The following SIRT3 variants were observed in gnomAD, a reference collection of about 807,000 sequenced individuals.
The protein encoded by SIRT3 is sirtuin 3.
A neutral mutation model predicts 33.5 loss-of-function variants in SIRT3; 26 were observed. The observed-to-expected ratio is 0.78, with a 90% confidence interval of 0.57 to 1.08. The LOEUF (loss-of-function observed/expected upper bound fraction) is 1.08. Among genes scored for constraint, SIRT3 ranks in the 50% least tolerant of loss-of-function variants. SIRT3 has a pLI of 0.00. For synonymous variants in SIRT3, 237 were observed against 222.1 expected (o/e 1.07, Z -0.60); for missense variants, 585 against 530.1 (o/e 1.10, Z -1.02).
chr11:218,672 T>G (rs917609729), intron 6 of SIRT3, 160 bp downstream of exon 6: 1 of 1,325,732 alleles, frequency 7.5e-7, no homozygotes, highest in Non-Finnish European at 1.0e-6. Flanking sequence ...GTATTGAAAG[T>G]AACACCCAGT....
chr11:221,300 G>C (rs149173376), intron 5 of SIRT3, among the ~76,000 whole-genome samples: 1 of 152,150 alleles, frequency 6.6e-6, no homozygotes, highest in African/African-American at 2.4e-5. Flanking sequence ...TTGTAGAGAC[G>C]AGGTCTGACT....
Position 233,192 on chromosome 11 carries a change from CT to C in SIRT3, c.496del (p.Ser166AlafsTer107), listed in dbSNP as rs1441918214. Reference protein sequence around the residue: ...DFRSPGSGLYSNLQQYDLPYP... With the variant: ...DFRSPGSGLYXNLQQYDLPYP... The stretch of plus-strand genomic sequence containing the variant: ...CGGGAGATCGTACTGCTGGAGGTTG[CT>C]GTACAGGCCACTCCCCGGCGATCTG... On this transcript the variant is annotated frameshift_variant, in exon 3 of 7. Coordinates refer to ENST00000382743, the MANE Select transcript of SIRT3 (RefSeq NM_012239.6). LOFTEE classifies it high-confidence loss of function. The C allele has an allele frequency of 1.2e-6, 2 of 1,613,870 alleles. No homozygotes were observed. Among genetic ancestry groups the C allele is most frequent in the African/African-American group, 2.7e-5 (2 of 74,896 alleles).
chr11:228,803 C>T (rs926142184), intron 4 of SIRT3, among the ~76,000 whole-genome samples: 4 of 152,174 alleles, frequency 2.6e-5, no homozygotes, highest in Admixed American at 1.3e-4. Flanking sequence ...AGACAACCTA[C>T]AGAATGACAG....
chr11:235,811 A>G (rs1282915143), intron 1 of SIRT3, among the ~76,000 whole-genome samples: 2 of 152,212 alleles, frequency 1.3e-5, no homozygotes, highest in East Asian at 1.9e-4. Context: ...AAGGTTATTC[A>G]CCACAGCATG....
At chr11:229,284 T>TA (rs57351180) in intron 4 of SIRT3, among the ~76,000 whole-genome samples, 119,964 of 151,818 alleles carry the variant, frequency 0.79, 47,723 homozygotes, top group African/African-American at 0.88. Context: ...ACTACTCTAC[T>TA]AAATACAAAA....
rs1734493 is a variant in SIRT3, at chr11:233,303, G to C, written c.473+40C>G. On this transcript the variant is annotated intron_variant, in intron 2 of 6. Transcript: ENST00000382743. ...GGCAGTGGGGAGGGCAGGAGTCAGG[G>C]GAGGGGAGCGCAGAAGGCAGGTGGG... 11 of 1,603,610 alleles carry C rather than the reference G, an allele frequency of 6.9e-6. No individual in the cohort carries two copies. The African/African-American group carries it at 1.1e-4, about 16-fold the overall frequency.
rs200803094 is a variant in SIRT3, at chr11:233,307, G to C, written c.473+36C>G. On this transcript the variant is annotated intron_variant, in intron 2 of 6. Transcript: ENST00000382743. ...GTGGGGAGGGCAGGAGTCAGGGGAG[G>C]GGAGCGCAGAAGGCAGGTGGGACTG... The C allele has an allele frequency of 5.0e-6, 8 of 1,604,492 alleles. No homozygotes were observed. The Admixed American group carries it at 1.3e-4, about 27-fold the overall frequency.
Position 230,438 on chromosome 11 carries a change from G to A in SIRT3, c.807+14C>T. 2 of 1,410,708 alleles carry A rather than the reference G, an allele frequency of 1.4e-6. No individual in the cohort carries two copies. The highest frequency in any genetic ancestry group is 3.3e-5 in the South Asian group (2 of 59,962). The allele number at this position is 1,410,708 out of a possible 1,614,324, so 87.4% of individuals were successfully genotyped here. A position where few individuals can be genotyped will look rare whatever the true frequency, so the allele number is the denominator to read the frequency against. On this transcript the variant is annotated intron_variant, in intron 4 of 6. Coordinates refer to ENST00000382743, the MANE Select transcript of SIRT3 (RefSeq NM_012239.6). ...GCAAACTGCAGAAGGACAACCAACA[G>A]CAGGATAACTCACCCGAATGTCCTC... is the stretch of plus-strand genomic sequence containing the variant.
At position 216,631 on chromosome 11, in the gene SIRT3, G is replaced by T; in HGVS notation, c.*67C>A. 6.3e-7 allele frequency: 1 copy of T among 1,579,322 alleles called. No homozygotes were observed. The highest frequency in any genetic ancestry group is 8.7e-7 in the Non-Finnish European group (1 of 1,148,942). On this transcript the variant is annotated 3_prime_UTR_variant, in exon 7 of 7. Transcript: ENST00000382743. ...TGCCCAAGCTGTCTTCAGGCATGAG[G>T]TCTTGTCAGAATTGGGATGTGGATG... is the stretch of plus-strand genomic sequence containing the variant.
chr11:236,620 T>G, upstream of SIRT3: 1 of 208,190 alleles, frequency 4.8e-6, no homozygotes, highest in Non-Finnish European at 1.0e-5. Context: ...TCACACCTTT[T>G]TCAACCCGGA....
chr11:232,902 G>A, intron 3 of SIRT3, 81 bp downstream of exon 3: 5 of 1,346,954 alleles, frequency 3.7e-6, no homozygotes, highest in Admixed American at 3.7e-5. Context: ...TGAGAAACAG[G>A]CACCCGAGCC....
rs200341664 is a variant in SIRT3, at chr11:236,059, G to C, written c.270C>G (p.Phe90Leu). ...CTTGCCCAAAATACCTCGAAAAGAA[G>C]AAACTGGGAGCTGCTGCCCTCGGCT... Reference protein sequence around the residue: ...RRQPRAAAPSFFFSSIKGGRR... With the variant: ...RRQPRAAAPSLFFSSIKGGRR... Residue 90 changes from phenylalanine (F) to leucine (L), a missense_variant, in exon 1 of 7, where the codon TTC becomes TTG. Transcript: ENST00000382743. The C allele has an allele frequency of 2.4e-4, 362 of 1,522,662 alleles. No individual in the cohort carries two copies. Among genetic ancestry groups the C allele is most frequent in the Non-Finnish European group, 3.0e-4 (338 of 1,136,360 alleles). 94.3% of individuals were successfully genotyped at this position (1,522,662 alleles called of 1,614,324 possible).
In SIRT3 at chr11:223,510, C is replaced by T; in HGVS notation, c.969+568G>A. On this transcript the variant is annotated intron_variant, in intron 5 of 6. Coordinates refer to ENST00000382743, the MANE Select transcript of SIRT3 (RefSeq NM_012239.6). This position sits in a 1 kb window ranked among gnomAD's most constrained non-coding sequence, Gnocchi z 4.8. The stretch of plus-strand genomic sequence containing the variant: ...AAAGGCCTCCCTGACCCCAAGGGTG[C>T]AGCTACGTCCCCGGGCCAGTCCCTG... 5.9e-6 allele frequency: 2 copies of T among 340,412 alleles called. No individual in the cohort carries two copies. The highest frequency in any genetic ancestry group is 1.2e-5 in the Non-Finnish European group (2 of 173,168). The allele number at this position is 340,412 out of a possible 1,614,324, so 21.1% of individuals were successfully genotyped here.
rs1326053474 is a variant in SIRT3 at position 224,275 on chromosome 11, C to G, written c.808-36G>C. 4 of 1,592,444 alleles carry G rather than the reference C, an allele frequency of 2.5e-6. No individual in the cohort carries two copies. In the Admixed American group the frequency reaches 7.2e-5, roughly 29 times the overall value. On this transcript the variant is annotated intron_variant, in intron 4 of 6. Transcript: ENST00000382743. ...GAGAAAACAGGCCTGAGGAAGATGC[C>G]TGCAACACCCTGTAAAAGGAAAAGG...
At chr11:234,707 G>A (rs1243891467) in intron 1 of SIRT3, among the ~76,000 whole-genome samples, 1 of 152,030 alleles carries the variant, frequency 6.6e-6, no homozygotes, top group Non-Finnish European at 1.5e-5. Context: ...GAGCCACCGC[G>A]CCCGGCCGCA....
intron 1 of SIRT3, among the ~76,000 whole-genome samples, chr11:234,520 TTCTCCTGCCTCAGCC>T (rs1367625074): frequency 2.0e-5 from 3 of 152,136 alleles, no homozygotes; most frequent in African/African-American, 7.2e-5. Flanking sequence ...GTTCACGCCA[TTCTCCTGCCTCAGCC>T]TCCCGAGTAG....
chr11:231,817 A>G (rs1858056806), intron 3 of SIRT3, among the ~76,000 whole-genome samples: 1 of 151,822 alleles, frequency 6.6e-6, no homozygotes, highest in African/African-American at 2.4e-5. Flanking sequence ...ACATTCCTGG[A>G]GCCAAGGTGC....
intron 3 of SIRT3, among the ~76,000 whole-genome samples, chr11:231,254 C>T (rs946739487): frequency 2.0e-5 from 3 of 152,074 alleles, no homozygotes; most frequent in Middle Eastern, 3.2e-3. Flanking sequence ...GCCTCAGCAA[C>T]ATAGTGAGAC....
rs746336444 is a variant in SIRT3 at position 236,109 on chromosome 11, C to T, written c.220G>A (p.Glu74Lys). The change falls in exon 1 of 7, where the codon GAG (glutamate) becomes AAG (lysine). Residue 74 changes from glutamate (E) to lysine (K), a missense_variant. Transcript: ENST00000382743. ...ARPLQRPPRP[E>K]VPRAFRRQPR... is the part of the protein sequence containing the mutation. Reference sequence around the variant, plus strand: ...TGCCTCCGGAATGCCCTGGGCACCTCGGGTCTGGGAGGCCTCTGCAAGGGG... The same window carrying T: ...TGCCTCCGGAATGCCCTGGGCACCTTGGGTCTGGGAGGCCTCTGCAAGGGG... 1.1e-5 allele frequency: 18 copies of T among 1,578,788 alleles called. No homozygotes were observed. The highest frequency in any genetic ancestry group is 4.1e-5 in the African/African-American group (3 of 73,606).
Sources: gnomAD v4.1 joint callset for allele counts (sites outside exome capture counted in the v4.1 genomes callset) on GRCh38, gnomAD v4.1.1 for gene constraint, Gnocchi (gnomAD v3.1) non-coding constraint, MANE v1.5 for transcripts, NCBI Gene and HGNC (gene_info 2026-07-23, HGNC 2026-07-21) for gene names.